The following POTED variants were observed in gnomAD, a reference collection of about 807,000 sequenced individuals.
POTED encodes the protein ANKRD26-like family B member 3.
A neutral mutation model predicts 19.0 loss-of-function variants in POTED; 7 were observed. The observed-to-expected ratio is 0.37, with a 90% CI of 0.21 to 0.69. POTED has a LOEUF of 0.69. Among genes scored for constraint, POTED ranks in the 30% least tolerant of loss-of-function variants. The pLI, the probability that POTED is intolerant of heterozygous loss-of-function variation, is 0.56. For missense variants in POTED, 54 were observed against 278.5 expected (o/e 0.19, Z 5.74); for synonymous variants, 16 against 92.0 (o/e 0.17, Z 4.73).
Position 13,645,159 on chromosome 21 carries a change from G to A in POTED, c.*3593G>A, listed in dbSNP as rs527252161. ...AAGAGATGAGAATGGAACCAACTTG[G>A]AAAACACATTTCAGAATATCATTCA... is the stretch of plus-strand genomic sequence containing the variant. On this transcript the variant is annotated 3_prime_UTR_variant, in exon 11 of 11. Transcript: ENST00000299443. Among the ~76,000 whole-genome samples the A allele has an allele frequency of 1.2e-4, 16 of 131,056 alleles. 1 individual carries two copies. In the South Asian group the frequency reaches 3.6e-3, roughly 30 times the overall value. The allele number at this position is 131,056 out of a possible 152,430, so 86.0% of individuals were successfully genotyped here. A position where few individuals can be genotyped will look rare whatever the true frequency, so the allele number is the denominator to read the frequency against.
intron 9 of POTED, among the ~76,000 whole-genome samples, chr21:13,637,005 T>TATATATATATATATATATATATA (rs1491152956): frequency 1.9e-3 from 23 of 12,328 alleles, no homozygotes; most frequent in Non-Finnish European, 2.6e-3. Flanking sequence ...TATATATATA[T>TATATATATATATATATATATATA]TTTTTTTTTT....
At position 13,610,056 on chromosome 21, in the gene POTED, T is replaced by C; in HGVS notation, c.-173T>C. The C allele has an allele frequency of 4.0e-6, 1 of 251,242 alleles. No individual in the cohort carries two copies. Among genetic ancestry groups the C allele is most frequent in the Non-Finnish European group, 6.4e-6 (1 of 156,218 alleles). The allele number at this position is 251,242 out of a possible 1,614,324, so 15.6% of individuals were successfully genotyped here. On this transcript the variant is annotated 5_prime_UTR_variant, in exon 1 of 11. Coordinates refer to ENST00000299443, the MANE Select transcript of POTED (RefSeq NM_174981.6). The stretch of plus-strand genomic sequence containing the variant: ...TGGGCTTTCCCCGGGTGGGTGTGGG[T>C]TTTCCCTGGGTGGGGTGGGCTGGGC...
chr21:13,613,175 G>C lies in POTED; in HGVS notation c.522-1948G>C. Among the ~76,000 whole-genome samples, 2 of 72,190 alleles carry C rather than the reference G, an allele frequency of 2.8e-5. 1 individual carries two copies. The highest frequency in any genetic ancestry group is 4.7e-5 in the Non-Finnish European group (2 of 42,372). 47.4% of individuals were successfully genotyped at this position (72,190 alleles called of 152,430 possible). On this transcript the variant is annotated intron_variant, in intron 1 of 10. Coordinates refer to ENST00000299443, the MANE Select transcript of POTED (RefSeq NM_174981.6). ...CTTCTGTGAACTTTTACCCTCTTCA[G>C]AAGTAGAGGGCTTCTGTTTACCTCT... is the stretch of plus-strand genomic sequence containing the variant.
In POTED at chr21:13,634,131, C is replaced by T. The variant is rs1018454370; in HGVS notation, c.1409+3024C>T. 4.2e-5 allele frequency among the ~76,000 whole-genome samples: 3 copies of T among 72,254 alleles called. 1 individual carries two copies. Among genetic ancestry groups the T allele is most frequent in the African/African-American group, 2.3e-4 (2 of 8,738 alleles). 47.4% of individuals were successfully genotyped at this position (72,254 alleles called of 152,430 possible). On this transcript the variant is annotated intron_variant, in intron 9 of 10. Coordinates refer to ENST00000299443, the MANE Select transcript of POTED (RefSeq NM_174981.6). ...TTTCCTACTTTGGTTAAGGGCAACT[C>T]TTCCAGTTGCTCTGCCAAAAATCTC...
intron 10 of POTED, among the ~76,000 whole-genome samples, 191 bp downstream of exon 10, chr21:13,639,829 A>G (rs1236129522): frequency 1.4e-5 from 1 of 72,932 alleles, no homozygotes; most frequent in East Asian, 7.2e-4. Flanking sequence ...ATATATTTAT[A>G]TATGTACATA....
At position 13,609,798 on chromosome 21, in the gene POTED, T is replaced by C. The variant is rs9977518; in HGVS notation, c.-431T>C. The C allele has an allele frequency of 2.3e-5, 3 of 129,106 alleles. 1 individual carries two copies. Among genetic ancestry groups the C allele is most frequent in the East Asian group, 4.8e-4 (1 of 2,068 alleles). The allele number at this position is 129,106 out of a possible 1,614,324, so 8.0% of individuals were successfully genotyped here. ...ACATGACGGCTTGGCTTACCTGTAA[T>C]GGGTGCGCTTCGCTTTGCGTTCCTC... On this transcript the variant is annotated 5_prime_UTR_variant, in exon 1 of 11. It removes an upstream start codon present in the reference 5' UTR. Coordinates refer to ENST00000299443, the MANE Select transcript of POTED (RefSeq NM_174981.6).
rs2011302699 is a variant in POTED, at chr21:13,645,113, ATGAC to A, written c.*3551_*3554del. ...TGGGATTATATAAACGACCAAATCTATGACTGATTAATGTACCTGAAAGAGATGA... is the reference window on the plus strand; with the variant it reads ...TGGGATTATATAAACGACCAAATCTATGATTAATGTACCTGAAAGAGATGA... On this transcript the variant is annotated 3_prime_UTR_variant, in exon 11 of 11. Transcript: ENST00000299443. 7.8e-6 allele frequency among the ~76,000 whole-genome samples: 1 copy of A among 128,486 alleles called. No homozygotes were observed. Among genetic ancestry groups the A allele is most frequent in the South Asian group, 2.3e-4 (1 of 4,376 alleles). The allele number at this position is 128,486 out of a possible 152,430, so 84.3% of individuals were successfully genotyped here.
rs551408102 is a variant in POTED at position 13,639,781 on chromosome 21, T to C, written c.1533+143T>C. 8.2e-4 allele frequency: 295 copies of C among 360,232 alleles called. 28 individuals are homozygous for C. Among genetic ancestry groups the C allele is most frequent in the South Asian group, 5.4e-3 (156 of 28,746 alleles). 22.3% of individuals were successfully genotyped at this position (360,232 alleles called of 1,614,324 possible). A position where few individuals can be genotyped will look rare whatever the true frequency, so the allele number is the denominator to read the frequency against. On this transcript the variant is annotated intron_variant, in intron 10 of 10. Coordinates refer to ENST00000299443, the MANE Select transcript of POTED (RefSeq NM_174981.6). ...ATATATATGTGTGTGTGTATATATA[T>C]ACACACACACACACACACACCCTGT...
Position 13,637,693 on chromosome 21 carries a change from T to A in POTED, c.1410-1822T>A, listed in dbSNP as rs1451582967. 3.8e-5 allele frequency among the ~76,000 whole-genome samples: 3 copies of A among 78,490 alleles called. 1 individual carries two copies. The highest frequency in any genetic ancestry group is 9.8e-5 in the African/African-American group (1 of 10,210). The allele number at this position is 78,490 out of a possible 152,430, so 51.5% of individuals were successfully genotyped here. A position where few individuals can be genotyped will look rare whatever the true frequency, so the allele number is the denominator to read the frequency against. On this transcript the variant is annotated intron_variant, in intron 9 of 10. Transcript: ENST00000299443. ...GTTGCTTTTGCTTTCAGGGTCCTCA[T>A]CATAAATTATTTGCCTAGGCTGATG...
chr21:13,631,432 T>G (rs2011213065), intron 9 of POTED, among the ~76,000 whole-genome samples: 1 of 76,596 alleles, frequency 1.3e-5, no homozygotes, highest in Non-Finnish European at 2.3e-5. Flanking sequence ...TACAGATTAT[T>G]TCATCAGCCA....
Position 13,610,789 on chromosome 21 carries a change from G to A in POTED, c.521+40G>A, listed in dbSNP as rs751134959. 1.9e-5 allele frequency: 20 copies of A among 1,068,952 alleles called. 6 individuals carry two copies. In the Admixed American group the frequency reaches 4.3e-4, roughly 23 times the overall value. The allele number at this position is 1,068,952 out of a possible 1,614,324, so 66.2% of individuals were successfully genotyped here. A position where few individuals can be genotyped will look rare whatever the true frequency, so the allele number is the denominator to read the frequency against. On this transcript the variant is annotated intron_variant, in intron 1 of 10. Transcript: ENST00000299443. ...GATGGGAGGAGGCAGGACATGGGGG[G>A]ATGATGGGGACATACCCTCCTGGCG...
rs777345036 is a variant in POTED, at chr21:13,623,916, T to C, written c.1126+1041T>C. On this transcript the variant is annotated intron_variant, in intron 6 of 10. Transcript: ENST00000299443. The stretch of plus-strand genomic sequence containing the variant: ...TAAGTTGCAGGAGACAAAGATGGAA[T>C]AGATGTAGTTTTGATCTTTAAGGTG... Among the ~76,000 whole-genome samples, 7 of 100,352 alleles carry C rather than the reference T, an allele frequency of 7.0e-5. 2 individuals carry two copies. Among genetic ancestry groups the C allele is most frequent in the Admixed American group, 3.9e-4 (4 of 10,372 alleles). The allele number at this position is 100,352 out of a possible 152,430, so 65.8% of individuals were successfully genotyped here. A position where few individuals can be genotyped will look rare whatever the true frequency, so the allele number is the denominator to read the frequency against.
Position 13,612,664 on chromosome 21 carries a change from T to C in POTED, c.521+1915T>C, listed in dbSNP as rs761067678. ...AATGTGTATGCCTTTTACCCATCTA[T>C]TCCATTATACTGAAATATCTATATG... On this transcript the variant is annotated intron_variant, in intron 1 of 10. Transcript: ENST00000299443. Among the ~76,000 whole-genome samples the C allele has an allele frequency of 6.4e-4, 53 of 82,466 alleles. 20 individuals carry two copies. Among genetic ancestry groups the C allele is most frequent in the Middle Eastern group, 0.015 (2 of 130 alleles). The allele number at this position is 82,466 out of a possible 152,430, so 54.1% of individuals were successfully genotyped here.
chr21:13,610,689 G>A lies in POTED; in HGVS notation c.461G>A (p.Arg154Lys), dbSNP rs1392033003. 3.7e-6 allele frequency: 4 copies of A among 1,076,000 alleles called. 1 individual carries two copies. The highest frequency in any genetic ancestry group is 2.4e-5 in the Admixed American group (1 of 41,622). 66.7% of individuals were successfully genotyped at this position (1,076,000 alleles called of 1,614,324 possible). A position where few individuals can be genotyped will look rare whatever the true frequency, so the allele number is the denominator to read the frequency against. Residue 154 changes from arginine to lysine, a missense_variant, in exon 1 of 11, where the codon AGA becomes AAA. Arg to Lys is a conservative substitution (Grantham distance 26). This residue lies in a region of POTED where 38 missense variants were observed against 163.8 expected (regional missense o/e 0.23). Coordinates refer to ENST00000299443, the MANE Select transcript of POTED (RefSeq NM_174981.6). ...HRAAWWGKVP[R>K]KDLIVMLRDT... Reference sequence around the variant, plus strand: ...GCTGCCTGGTGGGGTAAAGTCCCCAGAAAGGATCTCATCGTCATGCTCAGG... The same window carrying A: ...GCTGCCTGGTGGGGTAAAGTCCCCAAAAAGGATCTCATCGTCATGCTCAGG...
rs1331970088 is a variant in POTED, at chr21:13,626,528, A to G, written c.1127-1854A>G. Among the ~76,000 whole-genome samples, 2 of 99,218 alleles carry G rather than the reference A, an allele frequency of 2.0e-5. 1 individual carries two copies. The highest frequency in any genetic ancestry group is 3.9e-5 in the Non-Finnish European group (2 of 51,732). 65.1% of individuals were successfully genotyped at this position (99,218 alleles called of 152,430 possible). The stretch of plus-strand genomic sequence containing the variant: ...ACATTAAAATGATCTACATCTAAAT[A>G]CAGATAGGACCAGGGACCACTCTTG... On this transcript the variant is annotated intron_variant, in intron 6 of 10. Coordinates refer to ENST00000299443, the MANE Select transcript of POTED (RefSeq NM_174981.6).
In POTED at chr21:13,637,032, C is replaced by G. The variant is rs1601488401; in HGVS notation, c.1410-2483C>G. Among the ~76,000 whole-genome samples the G allele has an allele frequency of 5.1e-5, 2 of 39,156 alleles. 1 individual carries two copies. Among genetic ancestry groups the G allele is most frequent in the East Asian group, 1.7e-3 (2 of 1,174 alleles). 25.7% of individuals were successfully genotyped at this position (39,156 alleles called of 152,430 possible). ...TTTTTTTTTTTTTCTTTATTCCACT[C>G]ATCAGTTGGTGGACACTGGCTGATA... On this transcript the variant is annotated intron_variant, in intron 9 of 10. Coordinates refer to ENST00000299443, the MANE Select transcript of POTED (RefSeq NM_174981.6).
rs987386438 is a variant in POTED at position 13,624,117 on chromosome 21, GT to G, written c.1126+1244del. ...CAATTAAAAATACAGACAGGAGCTT[GT>G]TATTATCATTGTCATTTTTATTATT... On this transcript the variant is annotated intron_variant, in intron 6 of 10. Coordinates refer to ENST00000299443, the MANE Select transcript of POTED (RefSeq NM_174981.6). 5.2e-4 allele frequency among the ~76,000 whole-genome samples: 32 copies of G among 62,126 alleles called. 10 individuals are homozygous for G. The highest frequency in any genetic ancestry group is 3.6e-3 in the African/African-American group (32 of 8,884). 40.8% of individuals were successfully genotyped at this position (62,126 alleles called of 152,430 possible).
At position 13,613,180 on chromosome 21, in the gene POTED, A is replaced by G; in HGVS notation, c.522-1943A>G. ...GTGAACTTTTACCCTCTTCAGAAGT[A>G]GAGGGCTTCTGTTTACCTCTTCTGG... On this transcript the variant is annotated intron_variant, in intron 1 of 10. Transcript: ENST00000299443. 2.8e-5 allele frequency among the ~76,000 whole-genome samples: 2 copies of G among 71,930 alleles called. 1 individual carries two copies. The highest frequency in any genetic ancestry group is 4.7e-5 in the Non-Finnish European group (2 of 42,242). The allele number at this position is 71,930 out of a possible 152,430, so 47.2% of individuals were successfully genotyped here.
Position 13,640,603 on chromosome 21 carries a change from G to A in POTED, c.1534-742G>A, listed in dbSNP as rs1342809191. 2.8e-5 allele frequency among the ~76,000 whole-genome samples: 2 copies of A among 70,332 alleles called. 1 individual carries two copies. Among genetic ancestry groups the A allele is most frequent in the Non-Finnish European group, 4.9e-5 (2 of 40,860 alleles). 46.1% of individuals were successfully genotyped at this position (70,332 alleles called of 152,430 possible). A position where few individuals can be genotyped will look rare whatever the true frequency, so the allele number is the denominator to read the frequency against. ...CTTGCACTGTCACCCACGCTGGAGT[G>A]CAGTGGCACAAACTCAGTTCACTGC... On this transcript the variant is annotated intron_variant, in intron 10 of 10. Coordinates refer to ENST00000299443, the MANE Select transcript of POTED (RefSeq NM_174981.6).
Sources: allele counts gnomAD v4.1 joint callset (sites outside exome capture counted in the v4.1 genomes callset), GRCh38; gene constraint gnomAD v4.1.1; regional missense constraint gnomAD v4.1.1; transcripts MANE v1.5; gene names NCBI Gene and HGNC (gene_info 2026-07-23, HGNC 2026-07-21).